The following AGAP1 variants were observed in gnomAD, a reference collection of about 807,000 sequenced individuals.
AGAP1 encodes arf-GAP with GTPase, ANK repeat and PH domain-containing protein 1.
In AGAP1, 29 loss-of-function variants were observed where a neutral mutation model predicts 105.3. The ratio of observed to expected loss-of-function variants is 0.28; its 90% CI spans 0.21 to 0.38. AGAP1 has a LOEUF of 0.38. Ranked by LOEUF, AGAP1 falls within the 10% of genes least tolerant of loss-of-function variation. AGAP1 has a pLI of 1.00. For missense variants in AGAP1, 998 were observed against 1,165.1 expected, an observed-to-expected ratio of 0.86 and a Z score of 2.09; for synonymous variants, 509 against 485.9, an observed-to-expected ratio of 1.05 and a Z score of -0.63.
In AGAP1 at chr2:235,877,490, G is replaced by C. The variant is rs1265526601; in HGVS notation, c.1051-5855G>C. 6.6e-6 allele frequency among the ~76,000 whole-genome samples: 1 copy of C among 152,018 alleles called. No homozygotes were observed. The highest frequency in any genetic ancestry group is 1.5e-5 in the Non-Finnish European group (1 of 68,026). ...TCTTCCTTTCCTGCTTTCATACTGAGAAATCGTTTCGTGTACAGCATGCGG... is the reference window on the plus strand; with the variant it reads ...TCTTCCTTTCCTGCTTTCATACTGACAAATCGTTTCGTGTACAGCATGCGG... On this transcript the variant is annotated intron_variant, in intron 9 of 17. Transcript: ENST00000304032. This position sits in a 1 kb window ranked among gnomAD's most constrained non-coding sequence, Gnocchi z 4.3.
rs3768950 is a variant in AGAP1, at chr2:236,045,890, A to T, written c.1892-3169A>T. On this transcript the variant is annotated intron_variant, in intron 15 of 17. Transcript: ENST00000304032. This position sits in a 1 kb window ranked among gnomAD's most constrained non-coding sequence, Gnocchi z 6.9. ...TGTCTCTAAGCAGAGGGTGGTGAGC[A>T]TGGGGCCCTGGAACACTGTGCCCCC... 42,736 of 465,092 alleles carry T rather than the reference A, an allele frequency of 0.092. 2,338 individuals are homozygous for T. Among genetic ancestry groups the T allele is most frequent in the East Asian group, 0.2 (2,884 of 14,228 alleles). 28.8% of individuals were successfully genotyped at this position (465,092 alleles called of 1,614,324 possible).
chr2:235,931,868 T>TA lies in AGAP1; in HGVS notation c.1483+946dup, dbSNP rs1262859874. On this transcript the variant is annotated intron_variant, in intron 12 of 17. Coordinates refer to ENST00000304032, the MANE Select transcript of AGAP1 (RefSeq NM_001037131.3). This position sits in a 1 kb window ranked among gnomAD's most constrained non-coding sequence, Gnocchi z 5.6. ...GAGTCAGCGAGGTAGCTCCACACCA[T>TA]AGCGGTGCGGGTCTGGAAGAGCCTT... Among the ~76,000 whole-genome samples, 1 of 151,992 alleles carries TA rather than the reference T, an allele frequency of 6.6e-6. No homozygotes were observed. The highest frequency in any genetic ancestry group is 2.4e-5 in the African/African-American group (1 of 41,398).
chr2:236,037,536 C>G (rs1160732789), intron 14 of AGAP1, among the ~76,000 whole-genome samples: 3 of 152,056 alleles, frequency 2.0e-5, no homozygotes, highest in African/African-American at 7.2e-5. Context: ...GACTACAGGC[C>G]TGGCTTGCTT....
chr2:235,998,688 T>C (rs897867198), intron 13 of AGAP1, among the ~76,000 whole-genome samples: 3 of 149,324 alleles, frequency 2.0e-5, no homozygotes, highest in African/African-American at 7.5e-5. Context: ...ACGATGGTGG[T>C]GGTGGTAGCA....
In AGAP1 at chr2:235,965,645, C is replaced by A. The variant is rs1245415241; in HGVS notation, c.1484-2817C>A. ...GTGGTAGGGATACCACGTGCCTCAGCGGATTGCTTAAGAGTCCTGAACGCA... is the reference window on the plus strand; with the variant it reads ...GTGGTAGGGATACCACGTGCCTCAGAGGATTGCTTAAGAGTCCTGAACGCA... On this transcript the variant is annotated intron_variant, in intron 12 of 17. Transcript: ENST00000304032. This position sits in a 1 kb window ranked among gnomAD's most constrained non-coding sequence, Gnocchi z 5.8. 6.6e-6 allele frequency among the ~76,000 whole-genome samples: 1 copy of A among 152,134 alleles called. No homozygotes were observed. The highest frequency in any genetic ancestry group is 1.5e-5 in the Non-Finnish European group (1 of 68,026).
chr2:235,762,034 A>G (rs939475318), intron 6 of AGAP1, among the ~76,000 whole-genome samples: 13 of 151,396 alleles, frequency 8.6e-5, no homozygotes, highest in African/African-American at 3.2e-4. Flanking sequence ...GATTGAACCC[A>G]GGAGCCGGAA....
chr2:235,502,495 C>A (rs969937537), intron 1 of AGAP1, among the ~76,000 whole-genome samples: 1 of 152,110 alleles, frequency 6.6e-6, no homozygotes, highest in African/African-American at 2.4e-5. Flanking sequence ...CCTGAGCTCT[C>A]TGGGAACAGA....
chr2:235,941,863 G>T (rs563102355), intron 12 of AGAP1, among the ~76,000 whole-genome samples: 15 of 151,992 alleles, frequency 9.9e-5, no homozygotes, highest in Admixed American at 6.5e-4. Flanking sequence ...GGGGTAAGAA[G>T]GGCGGACACT....
chr2:235,730,581 A>C (rs1454508690), intron 3 of AGAP1, among the ~76,000 whole-genome samples: 1 of 151,918 alleles, frequency 6.6e-6, no homozygotes, highest in African/African-American at 2.4e-5. Context: ...CCTGGGTTCA[A>C]GCGATCTTCT....
At chr2:235,677,426 G>A (rs1948799812) in intron 1 of AGAP1, among the ~76,000 whole-genome samples, 1 of 152,174 alleles carries the variant, frequency 6.6e-6, no homozygotes, top group Non-Finnish European at 1.5e-5. Context: ...TTTATGAGGT[G>A]CATTTTGGTC....
chr2:235,749,456 G>A (rs1320625697), intron 5 of AGAP1, among the ~76,000 whole-genome samples: 1 of 151,890 alleles, frequency 6.6e-6, no homozygotes, highest in Non-Finnish European at 1.5e-5. Context: ...ACGCCCCCGT[G>A]TGCACACATG....
rs530787497 is a variant in AGAP1 at position 235,728,066 on chromosome 2, G to A, written c.310+10422G>A. 4.6e-5 allele frequency among the ~76,000 whole-genome samples: 7 copies of A among 152,282 alleles called. No homozygotes were observed. Among genetic ancestry groups the A allele is most frequent in the Admixed American group, 1.3e-4 (2 of 15,300 alleles). ...GTCCTTGTAAGACCGTGTCTGCCCAGTGGGGGCCTGGACACTAAGTGCCAC... is the reference window on the plus strand; with the variant it reads ...GTCCTTGTAAGACCGTGTCTGCCCAATGGGGGCCTGGACACTAAGTGCCAC... On this transcript the variant is annotated intron_variant, in intron 3 of 17. Transcript: ENST00000304032. This position sits in a 1 kb window ranked among gnomAD's most constrained non-coding sequence, Gnocchi z 4.3.
intron 13 of AGAP1, among the ~76,000 whole-genome samples, chr2:235,978,289 C>T (rs2054943156): frequency 6.6e-6 from 1 of 152,184 alleles, no homozygotes; most frequent in African/African-American, 2.4e-5. Context: ...GGCCCCCACC[C>T]ACCCACTCAC....
chr2:236,093,200 G>T (rs191393955), intron 16 of AGAP1, among the ~76,000 whole-genome samples: 1 of 152,302 alleles, frequency 6.6e-6, no homozygotes, highest in Admixed American at 6.5e-5. Context: ...CTGCACCCCT[G>T]GGGGAGAGGA....
intron 1 of AGAP1, among the ~76,000 whole-genome samples, chr2:235,502,671 A>G (rs1459955895): frequency 6.9e-6 from 1 of 145,334 alleles, no homozygotes; most frequent in Non-Finnish European, 1.5e-5. Context: ...GGTTGTCATT[A>G]GCATCATGGT....
intron 16 of AGAP1, among the ~76,000 whole-genome samples, chr2:236,085,560 C>T (rs1191730672): frequency 1.3e-5 from 2 of 152,238 alleles, no homozygotes. Context: ...AGGACCAGCC[C>T]ATGGATCCCA....
At position 236,055,719 on chromosome 2, in the gene AGAP1, C is replaced by T. The variant is rs2058035138; in HGVS notation, c.2114+6438C>T. 6.6e-6 allele frequency among the ~76,000 whole-genome samples: 1 copy of T among 152,214 alleles called. No homozygotes were observed. The highest frequency in any genetic ancestry group is 6.5e-5 in the Admixed American group (1 of 15,292). On this transcript the variant is annotated intron_variant, in intron 16 of 17. Coordinates refer to ENST00000304032, the MANE Select transcript of AGAP1 (RefSeq NM_001037131.3). The surrounding 1 kb of genome is among the most constrained non-coding windows in gnomAD (Gnocchi z 6.2). ...TGCTGGCAGGAGTGACATTTACTAC[C>T]AATAAAGTTTATACATCCTCGGCTA... is the stretch of plus-strand genomic sequence containing the variant.
chr2:235,898,809 G>A (rs991274561), intron 10 of AGAP1, among the ~76,000 whole-genome samples: 1 of 152,164 alleles, frequency 6.6e-6, no homozygotes, highest in African/African-American at 2.4e-5. Flanking sequence ...TGTGCAACTC[G>A]GAGGAGAGTG....
rs539165733 is a variant in AGAP1, at chr2:235,769,675, G to T, written c.673+19187G>T. On this transcript the variant is annotated intron_variant, in intron 6 of 17. Transcript: ENST00000304032. This position sits in a 1 kb window ranked among gnomAD's most constrained non-coding sequence, Gnocchi z 4.4. ...ATACAATTAATTGCTGTAAAATATC[G>T]TGGTCAAAATCTCGGGGAGGCAGTG... Among the ~76,000 whole-genome samples the T allele has an allele frequency of 2.0e-5, 3 of 152,114 alleles. No individual in the cohort carries two copies. The South Asian group carries it at 6.3e-4, about 32-fold the overall frequency.
Sources: allele counts gnomAD v4.1 joint callset (sites outside exome capture counted in the v4.1 genomes callset), GRCh38; gene constraint gnomAD v4.1.1; non-coding constraint Gnocchi (gnomAD v3.1); transcripts MANE v1.5; gene names NCBI Gene and HGNC (gene_info 2026-07-23, HGNC 2026-07-21).